Variants in RBMS3 observed in about 807,000 individuals in gnomAD.
The protein encoded by RBMS3 is RNA-binding motif, single-stranded-interacting protein 3.
A neutral mutation model predicts 66.8 loss-of-function variants in RBMS3; 27 were observed. That is an observed-to-expected ratio of 0.40 (90% CI 0.30 to 0.56). RBMS3 has a LOEUF of 0.56. RBMS3 is among the 20% of genes least tolerant of loss of function. The pLI is 0.40. For synonymous variants in RBMS3, 188 were observed against 183.0 expected (o/e 1.03, Z -0.22); for missense variants, 513 against 549.5 (o/e 0.93, Z 0.66).
intron 14 of RBMS3, among the ~76,000 whole-genome samples, chr3:29,995,466 A>G (rs938259274): frequency 6.6e-6 from 1 of 152,016 alleles, no homozygotes; most frequent in Non-Finnish European, 1.5e-5. Flanking sequence ...TAATTGTCAG[A>G]TTCACCAAAG....
chr3:29,364,504 T>C (rs1197228976), intron 1 of RBMS3, among the ~76,000 whole-genome samples: 2 of 152,206 alleles, frequency 1.3e-5, no homozygotes, highest in Admixed American at 6.5e-5. Flanking sequence ...CTAAATATAT[T>C]AATTGAAGCT....
At chr3:29,509,356 A>T (rs192980322) in intron 3 of RBMS3, among the ~76,000 whole-genome samples, 2 of 152,312 alleles carry the variant, frequency 1.3e-5, no homozygotes, top group Admixed American at 1.3e-4. Flanking sequence ...ACTAATAATG[A>T]CTAATATATA....
intron 5 of RBMS3, among the ~76,000 whole-genome samples, chr3:29,749,131 GA>G (rs1302819797): frequency 6.6e-6 from 1 of 152,106 alleles, no homozygotes. Flanking sequence ...ATTCCAAAAT[GA>G]AAAAGGAAAC....
intron 5 of RBMS3, among the ~76,000 whole-genome samples, chr3:29,755,035 T>C (rs1217212449): frequency 3.9e-5 from 6 of 152,190 alleles, no homozygotes; most frequent in Non-Finnish European, 8.8e-5. Flanking sequence ...TTCTCAATAA[T>C]ATCTAGGAAT....
chr3:29,362,582 G>A (rs1272712466), intron 1 of RBMS3, among the ~76,000 whole-genome samples: 1 of 152,020 alleles, frequency 6.6e-6, no homozygotes, highest in Non-Finnish European at 1.5e-5. Flanking sequence ...AGCTCAGTTG[G>A]AAATGTGGAA....
chr3:29,864,108 A>C (rs1328168644), intron 6 of RBMS3, among the ~76,000 whole-genome samples: 1 of 152,228 alleles, frequency 6.6e-6, no homozygotes, highest in African/African-American at 2.4e-5. Flanking sequence ...TAACATTTTA[A>C]TATGGGATCT....
chr3:29,414,324 C>A (rs1459028103), intron 1 of RBMS3, among the ~76,000 whole-genome samples: 1 of 152,176 alleles, frequency 6.6e-6, no homozygotes, highest in Non-Finnish European at 1.5e-5. Context: ...CAAAGGACCA[C>A]CCACTTTCTC....
chr3:29,739,655 TC>T, intron 4 of RBMS3, 64 bp from the exon 5 acceptor site: 1 of 1,367,896 alleles, frequency 7.3e-7, no homozygotes, highest in Non-Finnish European at 9.7e-7. Flanking sequence ...AACAAAAGTT[TC>T]TCTATTTGTA....
At chr3:29,812,894 TACTA>T (rs995963587) in intron 6 of RBMS3, among the ~76,000 whole-genome samples, 3 of 152,070 alleles carry the variant, frequency 2.0e-5, no homozygotes, top group Non-Finnish European at 4.4e-5. Flanking sequence ...TTTTTCAGCT[TACTA>T]ATCATATGTG....
At chr3:29,660,242 A>G (rs1487651481) in intron 4 of RBMS3, among the ~76,000 whole-genome samples, 1 of 151,988 alleles carries the variant, frequency 6.6e-6, no homozygotes, top group East Asian at 1.9e-4. Context: ...TTATGTGCAT[A>G]AAAGTTCATA....
At chr3:29,946,270 G>T (rs1167996797) in intron 12 of RBMS3, among the ~76,000 whole-genome samples, 1 of 151,668 alleles carries the variant, frequency 6.6e-6, no homozygotes, top group East Asian at 1.9e-4. Context: ...AAGTGAAACA[G>T]GCAATAGCAT....
At chr3:29,624,816 A>G (rs555810613) in intron 4 of RBMS3, among the ~76,000 whole-genome samples, 2 of 152,340 alleles carry the variant, frequency 1.3e-5, no homozygotes. Flanking sequence ...GGTTCAGTGT[A>G]TGACGATATC....
intron 1 of RBMS3, among the ~76,000 whole-genome samples, chr3:29,381,651 T>A (rs2038769098): frequency 6.6e-6 from 1 of 152,168 alleles, no homozygotes; most frequent in South Asian, 2.1e-4. Flanking sequence ...TATTCAGAAA[T>A]CTTTATCTTT....
intron 2 of RBMS3, among the ~76,000 whole-genome samples, chr3:29,444,324 C>T (rs192332622): frequency 1.1e-4 from 16 of 152,064 alleles, no homozygotes; most frequent in African/African-American, 3.6e-4. Context: ...GTGACTTTCC[C>T]AAGGTCACAC....
chr3:29,865,738 T>C (rs1025737392), intron 6 of RBMS3, among the ~76,000 whole-genome samples: 1 of 152,144 alleles, frequency 6.6e-6, no homozygotes, highest in Admixed American at 6.5e-5. Flanking sequence ...TGGCCCATCA[T>C]GCATGGACTG....
At chr3:29,641,919 T>C (rs1388483523) in intron 4 of RBMS3, among the ~76,000 whole-genome samples, 1 of 152,050 alleles carries the variant, frequency 6.6e-6, no homozygotes, top group Admixed American at 6.6e-5. Context: ...AGCCAAGGGA[T>C]TCTTCTTAGA....
intron 1 of RBMS3, among the ~76,000 whole-genome samples, chr3:29,395,592 A>G (rs530017346): frequency 3.9e-5 from 6 of 152,298 alleles, no homozygotes; most frequent in African/African-American, 1.2e-4. Flanking sequence ...ATAACACCTT[A>G]TATCTTTATA....
chr3:29,400,073 G>A (rs1359429274), intron 1 of RBMS3, among the ~76,000 whole-genome samples: 1 of 152,016 alleles, frequency 6.6e-6, no homozygotes, highest in Non-Finnish European at 1.5e-5. Context: ...CAGAATATTT[G>A]GCTAGAGCAG....
intron 3 of RBMS3, among the ~76,000 whole-genome samples, chr3:29,563,435 C>T (rs1326573179): frequency 6.6e-6 from 1 of 152,124 alleles, no homozygotes; most frequent in Non-Finnish European, 1.5e-5. Context: ...TGCCACATTC[C>T]AGACATTTCT....
Sources: gnomAD v4.1 joint callset for allele counts (sites outside exome capture counted in the v4.1 genomes callset) on GRCh38, gnomAD v4.1.1 for gene constraint, MANE v1.5 for transcripts, NCBI Gene and HGNC (gene_info 2026-07-23, HGNC 2026-07-21) for gene names.